Variants in TRIO observed in about 807,000 individuals in gnomAD.
The protein encoded by TRIO is triple functional domain protein.
TRIO carries 58 observed loss-of-function variants against 351.9 expected under a neutral mutation model. That is an observed-to-expected ratio of 0.16 (90% CI 0.13 to 0.21). The LOEUF (loss-of-function observed/expected upper bound fraction) is 0.21, where lower values mean the gene tolerates loss of function less well. Ranked by LOEUF, TRIO falls within the 10% of genes least tolerant of loss-of-function variation. The pLI is 1.00. For missense variants in TRIO, 3,201 were observed against 4,027.8 expected (o/e 0.79, Z 5.56); for synonymous variants, 1,758 against 1,595.7 (o/e 1.10, Z -2.42).
chr5:14,221,148 G>A (rs558198257), intron 1 of TRIO, among the ~76,000 whole-genome samples: 25 of 152,290 alleles, frequency 1.6e-4, no homozygotes, highest in Admixed American at 1.2e-3. Context: ...GAACAACAAA[G>A]CCTGGATGAT....
At chr5:14,190,773 C>A (rs1425977493) in intron 1 of TRIO, among the ~76,000 whole-genome samples, 1 of 152,046 alleles carries the variant, frequency 6.6e-6, no homozygotes, top group Non-Finnish European at 1.5e-5. Flanking sequence ...AAAAAAAATC[C>A]ACCTCAAAAA....
At chr5:14,487,412 G>A (rs955841789) in intron 47 of TRIO, 52 bp from the exon 48 acceptor site, 9 of 1,095,024 alleles carry the variant, frequency 8.2e-6, no homozygotes, top group African/African-American at 1.7e-5. Context: ...CTCACCCCGC[G>A]GCGTGCTCCT....
chr5:14,447,398 T>TA (rs1166053735), intron 34 of TRIO, among the ~76,000 whole-genome samples: 15 of 152,178 alleles, frequency 9.9e-5, no homozygotes, highest in East Asian at 7.7e-4. Context: ...TGAATGTAGG[T>TA]AAAAGATGTT....
At position 14,302,089 on chromosome 5, in the gene TRIO, G is replaced by A. The variant is rs117959271; in HGVS notation, c.1369-2372G>A. On this transcript the variant is annotated intron_variant, in intron 7 of 56. Coordinates refer to ENST00000344204, the MANE Select transcript of TRIO (RefSeq NM_007118.4). The stretch of plus-strand genomic sequence containing the variant: ...CTCAGGATACTTTAAGAAATTATAA[G>A]TTAGTTCTAATTACAGGAATATGTA... 2.9e-4 allele frequency among the ~76,000 whole-genome samples: 44 copies of A among 152,280 alleles called. No homozygotes were observed. In the East Asian group the frequency reaches 5.6e-3, roughly 19 times the overall value.
intron 30 of TRIO, among the ~76,000 whole-genome samples, chr5:14,400,304 A>G (rs931780190): frequency 2.6e-5 from 4 of 152,116 alleles, no homozygotes; most frequent in Non-Finnish European, 5.9e-5. Context: ...AGAAGTTAAG[A>G]TTCCCTCAGA....
At chr5:14,167,154 A>T (rs1039045960) in intron 1 of TRIO, among the ~76,000 whole-genome samples, 2 of 150,944 alleles carry the variant, frequency 1.3e-5, no homozygotes, top group African/African-American at 4.9e-5. Flanking sequence ...TTTAAGATCT[A>T]GTTGCCTCTG....
chr5:14,255,703 T>G (rs1213088626), intron 1 of TRIO, among the ~76,000 whole-genome samples: 1 of 152,236 alleles, frequency 6.6e-6, no homozygotes, highest in Admixed American at 6.5e-5. Context: ...CTTATACACA[T>G]AACCTGAAGG....
chr5:14,203,241 AT>A (rs747292800), intron 1 of TRIO, among the ~76,000 whole-genome samples: 12 of 150,248 alleles, frequency 8.0e-5, no homozygotes, highest in Non-Finnish European at 1.6e-4. Context: ...ATAATAGGCA[AT>A]TTGAAGAGAG....
At chr5:14,254,734 C>T (rs1361523991) in intron 1 of TRIO, among the ~76,000 whole-genome samples, 2 of 152,210 alleles carry the variant, frequency 1.3e-5, no homozygotes, top group African/African-American at 2.4e-5. Context: ...CTCTCGGACC[C>T]TCATAGCAAC....
intron 19 of TRIO, 61 bp downstream of exon 19, chr5:14,374,404 A>G: frequency 1.5e-6 from 2 of 1,322,058 alleles, no homozygotes; most frequent in East Asian, 2.5e-5. Context: ...AGACAAAAGG[A>G]GCCTGCACGT....
chr5:14,498,064 C>G, intron 51 of TRIO, 25 bp from the exon 52 acceptor site: 1 of 1,613,958 alleles, frequency 6.2e-7, no homozygotes, highest in Non-Finnish European at 8.5e-7. Context: ...GCTGATGGGC[C>G]TTTACCGACT....
chr5:14,387,535 C>T lies in TRIO; in HGVS notation c.3668C>T (p.Ala1223Val). 1 of 1,614,242 alleles carries T rather than the reference C, an allele frequency of 6.2e-7. No individual in the cohort carries two copies. The highest frequency in any genetic ancestry group is 8.5e-7 in the Non-Finnish European group (1 of 1,180,034). Residue 1223 changes from alanine to valine, a missense_variant, in exon 22 of 57, where the codon GCT becomes GTT. By Grantham distance (64) the Ala-to-Val change is moderately conservative (BLOSUM62 0). Around this residue, in one of 19 missense-constraint regions of TRIO, gnomAD observed 201 missense variants for 266.5 expected, o/e 0.75. Coordinates refer to ENST00000344204, the MANE Select transcript of TRIO (RefSeq NM_007118.4). ...GCAGAGATAAAAAAATGTGTTACTG[C>T]TGTGGATAAGAGGTACAGAGATTTC... is the stretch of plus-strand genomic sequence containing the variant. ...HAAEIKKCVTAVDKRYRDFSL... is the reference protein window; with the variant it reads ...HAAEIKKCVTVVDKRYRDFSL...
At position 14,472,613 on chromosome 5, in the gene TRIO, G is replaced by A. The variant is rs1038019004; in HGVS notation, c.5934G>A (p.Val1978=). The change falls in exon 39 of 57, where the codon GTG becomes GTA. Residue 1978 remains valine (V), a synonymous_variant. Transcript: ENST00000344204. ...KRRHYVLQEL[V]ETERDYVRDL... Reference sequence around the variant, plus strand: ...CCAGCTACGTTTTGCAAGAACTAGTGGAGACAGAGCGTGACTATGTGCGGG... The same window carrying A: ...CCAGCTACGTTTTGCAAGAACTAGTAGAGACAGAGCGTGACTATGTGCGGG... 8 of 1,613,972 alleles carry A rather than the reference G, an allele frequency of 5.0e-6. No homozygotes were observed. In the Admixed American group the frequency reaches 6.7e-5, roughly 13 times the overall value.
intron 36 of TRIO, among the ~76,000 whole-genome samples, chr5:14,464,437 A>C (rs953947532): frequency 1.3e-5 from 2 of 152,154 alleles, no homozygotes; most frequent in African/African-American, 2.4e-5. Context: ...TGATTTTCCC[A>C]CACAGTATAT....
rs912953581 is a variant in TRIO at position 14,201,248 on chromosome 5, G to A, written c.157+57366G>A. On this transcript the variant is annotated intron_variant, in intron 1 of 56. Coordinates refer to ENST00000344204, the MANE Select transcript of TRIO (RefSeq NM_007118.4). ...GCACTCCAGCCTGGGCAACAAGAGCGAAACTCCATCTCAAAAAATAAAAAA... is the reference window on the plus strand; with the variant it reads ...GCACTCCAGCCTGGGCAACAAGAGCAAAACTCCATCTCAAAAAATAAAAAA... Among the ~76,000 whole-genome samples, 6 of 152,040 alleles carry A rather than the reference G, an allele frequency of 3.9e-5. No individual in the cohort carries two copies. In the East Asian group the frequency reaches 7.7e-4, roughly 20 times the overall value.
At chr5:14,320,376 T>G (rs1739771324) in intron 9 of TRIO, among the ~76,000 whole-genome samples, 1 of 152,132 alleles carries the variant, frequency 6.6e-6, no homozygotes, top group Non-Finnish European at 1.5e-5. Context: ...CTTCTTGGAT[T>G]GTTGAGATTC....
intron 11 of TRIO, among the ~76,000 whole-genome samples, chr5:14,353,837 C>T (rs1338195648): frequency 2.0e-5 from 3 of 152,236 alleles, no homozygotes; most frequent in Admixed American, 6.5e-5. Flanking sequence ...AGCTATGTAT[C>T]GTGCATCCGG....
intron 23 of TRIO, among the ~76,000 whole-genome samples, chr5:14,388,349 G>A (rs1462604093): frequency 1.3e-5 from 2 of 152,222 alleles, no homozygotes; most frequent in African/African-American, 4.8e-5. Flanking sequence ...CAGCCCCACA[G>A]CAGAGTTACC....
intron 37 of TRIO, among the ~76,000 whole-genome samples, chr5:14,470,108 G>C (rs941953447): frequency 1.3e-5 from 2 of 152,150 alleles, no homozygotes; most frequent in African/African-American, 4.8e-5. Flanking sequence ...TTATTTTTCA[G>C]ATCAAACTCT....
Sources: gnomAD v4.1 joint callset for allele counts (sites outside exome capture counted in the v4.1 genomes callset) on GRCh38, gnomAD v4.1.1 for gene constraint, gnomAD v4.1.1 regional missense constraint, MANE v1.5 for transcripts, NCBI Gene and HGNC (gene_info 2026-07-23, HGNC 2026-07-21) for gene names.